Variants in SDF2 observed in about 807,000 individuals in gnomAD.
SDF2 encodes stromal cell derived factor 2, also known as stromal cell-derived factor 2.
SDF2 carries 12 observed loss-of-function variants against 20.5 expected under a neutral mutation model. The observed-to-expected ratio is 0.58, with a 90% CI of 0.37 to 0.95. The LOEUF is 0.95. SDF2 is among the 40% of genes least tolerant of loss of function. The pLI is 0.01. For synonymous variants in SDF2, 100 were observed against 101.0 expected (o/e 0.99, Z 0.06); for missense variants, 238 against 263.1 (o/e 0.90, Z 0.66).
At position 28,648,859 on chromosome 17, in the gene SDF2, T is replaced by G. The variant is rs758318462; in HGVS notation, c.*130A>C. Reference sequence around the variant, plus strand: ...AAGCTTCCAAACACAGCCACTATTTTCTGTTGTATATCTTCATCTCAATGG... The same window carrying G: ...AAGCTTCCAAACACAGCCACTATTTGCTGTTGTATATCTTCATCTCAATGG... On this transcript the variant is annotated 3_prime_UTR_variant, in exon 3 of 3. Coordinates refer to ENST00000247020, the MANE Select transcript of SDF2 (RefSeq NM_006923.4). The G allele has an allele frequency of 3.3e-6, 3 of 906,390 alleles. No homozygotes were observed. The highest frequency in any genetic ancestry group is 1.6e-5 in the South Asian group (1 of 62,474). 56.1% of individuals were successfully genotyped at this position (906,390 alleles called of 1,614,324 possible).
Position 28,661,714 on chromosome 17 carries a change from C to T in SDF2, c.151+12G>A. ...CCTCCCTAGCCCACCCGAGCCCGGT[C>T]CCCAGCATTACCTGACCCATAGCGC... On this transcript the variant is annotated intron_variant, in intron 1 of 2. Coordinates refer to ENST00000247020, the MANE Select transcript of SDF2 (RefSeq NM_006923.4). 2.5e-6 allele frequency: 4 copies of T among 1,606,898 alleles called. No homozygotes were observed. The highest frequency in any genetic ancestry group is 3.4e-6 in the Non-Finnish European group (4 of 1,174,070).
intron 2 of SDF2, 92 bp downstream of exon 2, chr17:28,655,195 C>T: frequency 8.1e-7 from 1 of 1,232,758 alleles, no homozygotes; most frequent in African/African-American, 1.5e-5. Flanking sequence ...AGAACATCTA[C>T]ACCTAGAAAA....
In SDF2 at chr17:28,648,646, A is replaced by G. The variant is rs751779890; in HGVS notation, c.*343T>C. 1 of 274,168 alleles carries G rather than the reference A, an allele frequency of 3.6e-6. No homozygotes were observed. The highest frequency in any genetic ancestry group is 6.9e-6 in the Non-Finnish European group (1 of 144,364). 17.0% of individuals were successfully genotyped at this position (274,168 alleles called of 1,614,324 possible). ...AGAGAGAAAATAGGGGGAAAATCACATACATTAACAGTCCATGATGCCAAG... is the reference window on the plus strand; with the variant it reads ...AGAGAGAAAATAGGGGGAAAATCACGTACATTAACAGTCCATGATGCCAAG... On this transcript the variant is annotated 3_prime_UTR_variant, in exon 3 of 3. Transcript: ENST00000247020.
intron 2 of SDF2, 84 bp from the exon 3 acceptor site, chr17:28,649,360 C>G (rs2151580220): frequency 7.4e-7 from 1 of 1,345,828 alleles, no homozygotes. Flanking sequence ...AAAAAGAAGG[C>G]CACCTTGAAG....
chr17:28,654,793 T>C (rs928893300), intron 2 of SDF2, among the ~76,000 whole-genome samples: 2 of 146,310 alleles, frequency 1.4e-5, no homozygotes, highest in East Asian at 4.0e-4. Context: ...CTACTAAAAA[T>C]ACAAAAAAAA....
chr17:28,655,763 C>T (rs1431445705), intron 1 of SDF2: 1 of 488,338 alleles, frequency 2.0e-6, no homozygotes, highest in Non-Finnish European at 3.7e-6. Flanking sequence ...ATGTGAAGAG[C>T]CTATGTATGT....
chr17:28,656,773 T>C (rs2151583481), intron 1 of SDF2, among the ~76,000 whole-genome samples: 1 of 152,340 alleles, frequency 6.6e-6, no homozygotes, highest in African/African-American at 2.4e-5. Flanking sequence ...GGATAGCCCC[T>C]AATGTGTCTA....
In SDF2 at chr17:28,648,985, A is replaced by T. The variant is rs1217727650; in HGVS notation, c.*4T>A. ...GCGTTAACAGTGGCTCAGAGCCTCT[A>T]GATTCACAGCTCTGCATGGTGGGCT... is the stretch of plus-strand genomic sequence containing the variant. On this transcript the variant is annotated 3_prime_UTR_variant, in exon 3 of 3. Coordinates refer to ENST00000247020, the MANE Select transcript of SDF2 (RefSeq NM_006923.4). 6.2e-7 allele frequency: 1 copy of T among 1,613,430 alleles called. No individual in the cohort carries two copies. The highest frequency in any genetic ancestry group is 1.7e-5 in the Admixed American group (1 of 60,010).
chr17:28,650,949 A>G (rs1233915761), intron 2 of SDF2, among the ~76,000 whole-genome samples: 4 of 151,212 alleles, frequency 2.6e-5, no homozygotes, highest in Non-Finnish European at 5.9e-5. Context: ...CAGGTAATTA[A>G]AAGTTTTTTG....
At chr17:28,656,287 A>G (rs571990922) in intron 1 of SDF2, 1 of 151,008 alleles carries the variant, frequency 6.6e-6, no homozygotes, top group Admixed American at 6.6e-5. Context: ...TCTTTTAAAT[A>G]AAAAAAAAAT....
Position 28,661,090 on chromosome 17 carries a change from A to G in SDF2, c.151+636T>C, listed in dbSNP as rs1192589073. On this transcript the variant is annotated intron_variant, in intron 1 of 2. Transcript: ENST00000247020. ...CATTTTAATTTCAAACGCTAAAAAA[A>G]AAAAAAAAAAAAAGCAGTTTTCTCT... is the stretch of plus-strand genomic sequence containing the variant. 1.5e-5 allele frequency: 6 copies of G among 389,604 alleles called. No homozygotes were observed. The East Asian group carries it at 4.3e-4, about 28-fold the overall frequency. The allele number at this position is 389,604 out of a possible 1,614,324, so 24.1% of individuals were successfully genotyped here.
chr17:28,656,747 C>T (rs1381330107), intron 1 of SDF2, among the ~76,000 whole-genome samples: 1 of 152,178 alleles, frequency 6.6e-6, no homozygotes, highest in Non-Finnish European at 1.5e-5. Context: ...CAGTGGTAAC[C>T]TATACACACT....
At chr17:28,654,532 C>T (rs539037720) in intron 2 of SDF2, among the ~76,000 whole-genome samples, 4 of 152,146 alleles carry the variant, frequency 2.6e-5, no homozygotes, top group Admixed American at 6.6e-5. Context: ...AAAACAAAGC[C>T]GGCTGGGTGC....
At chr17:28,654,476 A>ATTT (rs2071939369) in intron 2 of SDF2, among the ~76,000 whole-genome samples, 1 of 151,992 alleles carries the variant, frequency 6.6e-6, no homozygotes, top group African/African-American at 2.4e-5. Context: ...GATTTGGTTT[A>ATTT]GTTGTTGTCT....
chr17:28,657,398 A>G (rs1018736145), intron 1 of SDF2, among the ~76,000 whole-genome samples: 2 of 151,336 alleles, frequency 1.3e-5, no homozygotes, highest in African/African-American at 2.4e-5. Context: ...ACATATATAT[A>G]TATGTATTTT....
intron 2 of SDF2, among the ~76,000 whole-genome samples, chr17:28,651,922 G>GT (rs1391328613): frequency 6.6e-6 from 1 of 152,182 alleles, no homozygotes; most frequent in African/African-American, 2.4e-5. Context: ...TAGGAACAAG[G>GT]TATCTTACTG....
chr17:28,648,416 T>C lies in SDF2; in HGVS notation c.*573A>G, dbSNP rs1216255429. On this transcript the variant is annotated 3_prime_UTR_variant, in exon 3 of 3. Transcript: ENST00000247020. ...TAGCTATAATTAGTCAAAGATCTAT[T>C]AAAGATGAGATGCCTGGAGAGAAGT... The C allele has an allele frequency of 6.5e-6, 1 of 153,750 alleles. No homozygotes were observed. Among genetic ancestry groups the C allele is most frequent in the Non-Finnish European group, 1.4e-5 (1 of 69,144 alleles). 9.5% of individuals were successfully genotyped at this position (153,750 alleles called of 1,614,324 possible). A position where few individuals can be genotyped will look rare whatever the true frequency, so the allele number is the denominator to read the frequency against.
intron 1 of SDF2, 190 bp from the exon 2 acceptor site, chr17:28,655,673 G>C: frequency 1.6e-6 from 1 of 619,512 alleles, no homozygotes; most frequent in Non-Finnish European, 2.8e-6. Flanking sequence ...CCTCAGCCAT[G>C]ATGGCCTAGC....
intron 2 of SDF2, among the ~76,000 whole-genome samples, chr17:28,653,552 G>A (rs2071931391): frequency 1.3e-5 from 2 of 152,188 alleles, no homozygotes; most frequent in Non-Finnish European, 1.5e-5. Flanking sequence ...GAGGCCTCAC[G>A]CCTGTAATCC....
Sources: allele counts gnomAD v4.1 joint callset (sites outside exome capture counted in the v4.1 genomes callset), GRCh38; gene constraint gnomAD v4.1.1; transcripts MANE v1.5; gene names NCBI Gene and HGNC (gene_info 2026-07-23, HGNC 2026-07-21).